ZC3H6: variants seen among roughly 807,000 people sequenced by gnomAD.
ZC3H6 encodes zinc finger CCCH domain-containing protein 6.
A neutral mutation model predicts 107.7 loss-of-function variants in ZC3H6; 40 were observed. That is an observed-to-expected ratio of 0.37 (90% CI 0.29 to 0.48). The LOEUF is 0.48. Ranked by LOEUF, ZC3H6 falls within the 20% of genes least tolerant of loss-of-function variation. The pLI is 0.98. For missense variants in ZC3H6, 1,267 were observed against 1,410.4 expected (o/e 0.90, Z 1.63); for synonymous variants, 493 against 487.9 (o/e 1.01, Z -0.14).
Position 112,336,524 on chromosome 2 carries a change from A to T in ZC3H6, c.*4036A>T, listed in dbSNP as rs768116787. On this transcript the variant is annotated 3_prime_UTR_variant, in exon 12 of 12. Transcript: ENST00000409871. ...TAGTTTAGGAAATCCAAGTTTTGAC[A>T]TATATAACCAAACGGCCTAAGAGTT... 2.0e-5 allele frequency: 3 copies of T among 152,240 alleles called. No homozygotes were observed. Among genetic ancestry groups the T allele is most frequent in the Non-Finnish European group, 4.4e-5 (3 of 68,048 alleles). The allele number at this position is 152,240 out of a possible 1,614,324, so 9.4% of individuals were successfully genotyped here. A position where few individuals can be genotyped will look rare whatever the true frequency, so the allele number is the denominator to read the frequency against.
At chr2:112,319,463 T>C (rs1360073722) in intron 7 of ZC3H6, among the ~76,000 whole-genome samples, 1 of 152,078 alleles carries the variant, frequency 6.6e-6, no homozygotes, top group African/African-American at 2.4e-5. Flanking sequence ...CTGGCCAACA[T>C]AGTGAAACCC....
chr2:112,282,932 T>C (rs1686551901), intron 1 of ZC3H6, among the ~76,000 whole-genome samples: 1 of 152,228 alleles, frequency 6.6e-6, no homozygotes, highest in Non-Finnish European at 1.5e-5. Context: ...GATGCTTATA[T>C]GATAGTGTTT....
Position 112,325,067 on chromosome 2 carries a change from T to TG in ZC3H6, c.1958dup (p.Leu655SerfsTer26). 1 of 1,613,952 alleles carries TG rather than the reference T, an allele frequency of 6.2e-7. No individual in the cohort carries two copies. Among genetic ancestry groups the TG allele is most frequent in the Non-Finnish European group, 8.5e-7 (1 of 1,179,858 alleles). On this transcript the variant is annotated frameshift_variant, in exon 11 of 12. Coordinates refer to ENST00000409871, the MANE Select transcript of ZC3H6 (RefSeq NM_198581.3). LOFTEE classifies it high-confidence loss of function. ...ATGGCAGCAGCACTAGGACAGGCCATGGCCCTCTGCCTGTACCAGGCCTCC... is the reference window on the plus strand; with the variant it reads ...ATGGCAGCAGCACTAGGACAGGCCATGGGCCCTCTGCCTGTACCAGGCCTCC...
intron 11 of ZC3H6, among the ~76,000 whole-genome samples, chr2:112,330,422 T>C (rs1052520597): frequency 6.6e-6 from 1 of 152,194 alleles, no homozygotes; most frequent in Non-Finnish European, 1.5e-5. Flanking sequence ...TCTAAACATA[T>C]AATAAAGAGT....
intron 3 of ZC3H6, 120 bp from the exon 4 acceptor site, chr2:112,309,765 A>T (rs1676559779): frequency 2.1e-6 from 2 of 950,420 alleles, no homozygotes; most frequent in Non-Finnish European, 3.1e-6. Context: ...AAGAGTCAGA[A>T]CTAATAACTG....
rs1171632288 is a variant in ZC3H6, at chr2:112,338,914, AT to A, written c.*6438del. The A allele has an allele frequency of 3.8e-4, 30 of 78,654 alleles. 1 individual carries two copies. The highest frequency in any genetic ancestry group is 8.7e-4 in the African/African-American group (24 of 27,538). The allele number at this position is 78,654 out of a possible 1,614,324, so 4.9% of individuals were successfully genotyped here. ...ATATATATATATATATATATATATA[AT>A]TTTTTTTTTTTGAGACGGAGTCTTG... is the stretch of plus-strand genomic sequence containing the variant. On this transcript the variant is annotated 3_prime_UTR_variant, in exon 12 of 12. Transcript: ENST00000409871.
chr2:112,311,663 A>AT (rs1156651526), intron 4 of ZC3H6, 141 bp from the exon 5 acceptor site: 1 of 686,244 alleles, frequency 1.5e-6, no homozygotes. Flanking sequence ...CAAAGATTTA[A>AT]TTTTTTTCAT....
intron 11 of ZC3H6, among the ~76,000 whole-genome samples, chr2:112,326,126 T>C (rs563205289): frequency 6.6e-6 from 1 of 152,276 alleles, no homozygotes; most frequent in East Asian, 1.9e-4. Context: ...CATGAGGTAT[T>C]TTGATAGAGG....
At chr2:112,317,991 T>C (rs372689278) in intron 7 of ZC3H6, among the ~76,000 whole-genome samples, 1 of 152,190 alleles carries the variant, frequency 6.6e-6, no homozygotes, top group African/African-American at 2.4e-5. Context: ...CTTCTGGACT[T>C]CGTGTTTGGC....
chr2:112,295,638 A>C (rs1010602985), intron 1 of ZC3H6, among the ~76,000 whole-genome samples: 3 of 152,242 alleles, frequency 2.0e-5, no homozygotes, highest in African/African-American at 7.2e-5. Flanking sequence ...AGCAGTTCAT[A>C]GTGTGAATTA....
chr2:112,282,663 A>G (rs1483205862), intron 1 of ZC3H6, among the ~76,000 whole-genome samples: 1 of 152,224 alleles, frequency 6.6e-6, no homozygotes, highest in Non-Finnish European at 1.5e-5. Flanking sequence ...AGAGAACGCC[A>G]GTTTATTCAA....
At chr2:112,293,037 G>A (rs564852077) in intron 1 of ZC3H6, among the ~76,000 whole-genome samples, 7 of 152,270 alleles carry the variant, frequency 4.6e-5, no homozygotes, top group Non-Finnish European at 5.9e-5. Flanking sequence ...GATTCAGGAG[G>A]TAAAAATTAG....
Position 112,295,196 on chromosome 2 carries a change from A to G in ZC3H6, c.33-4653A>G, listed in dbSNP as rs191308326. Among the ~76,000 whole-genome samples the G allele has an allele frequency of 6.6e-3, 1,003 of 152,284 alleles. 36 individuals carry two copies. The highest frequency in any genetic ancestry group is 0.057 in the Admixed American group (868 of 15,292). On this transcript the variant is annotated intron_variant, in intron 1 of 11. Transcript: ENST00000409871. Reference sequence around the variant, plus strand: ...TTTATTAACTGAACAGTTATTTACCAGTCATTGGTACAAGAACATGAATAT... The same window carrying G: ...TTTATTAACTGAACAGTTATTTACCGGTCATTGGTACAAGAACATGAATAT...
At chr2:112,276,519 G>C (rs974217961) in intron 1 of ZC3H6, among the ~76,000 whole-genome samples, 2 of 152,136 alleles carry the variant, frequency 1.3e-5, no homozygotes, top group African/African-American at 4.8e-5. Flanking sequence ...GCCATCTGTT[G>C]TATACAGTCT....
At position 112,331,316 on chromosome 2, in the gene ZC3H6, G is replaced by T; in HGVS notation, c.2398G>T (p.Val800Phe). 1 of 1,613,650 alleles carries T rather than the reference G, an allele frequency of 6.2e-7. No individual in the cohort carries two copies. Among genetic ancestry groups the T allele is most frequent in the South Asian group, 1.1e-5 (1 of 91,090 alleles). The change falls in exon 12 of 12, where the codon GTT (valine) becomes TTT (phenylalanine). Residue 800 changes from valine (V) to phenylalanine (F), a missense_variant. Around this residue, in one of 3 missense-constraint regions of ZC3H6, gnomAD observed 925 missense variants for 1,025.7 expected, o/e 0.90. Coordinates refer to ENST00000409871, the MANE Select transcript of ZC3H6 (RefSeq NM_198581.3). ...GNGSGHIGSS[V>F]GGAKFDLHHA... ...TGGAAGTGGTCACATAGGCTCTTCT[G>T]TTGGTGGAGCAAAGTTTGATTTGCA...
intron 1 of ZC3H6, among the ~76,000 whole-genome samples, chr2:112,295,420 T>C (rs916518348): frequency 1.3e-5 from 2 of 152,188 alleles, no homozygotes; most frequent in African/African-American, 4.8e-5. Context: ...CTCTTAATTA[T>C]TTCTATTACC....
chr2:112,301,388 TAGTC>T (rs564069889), intron 2 of ZC3H6, among the ~76,000 whole-genome samples: 12 of 152,062 alleles, frequency 7.9e-5, no homozygotes, highest in Admixed American at 3.9e-4. Context: ...AGGAAAGAAA[TAGTC>T]AGATAACAAA....
chr2:112,316,314 CAT>C lies in ZC3H6; in HGVS notation c.748-153_748-152del, dbSNP rs1676694164. ...AGTAGCATAAGTAGATTACTAGACA[CAT>C]ATCTCTCTCCAAATAAATGAATAGC... is the stretch of plus-strand genomic sequence containing the variant. On this transcript the variant is annotated intron_variant, in intron 5 of 11. Transcript: ENST00000409871. Among the ~76,000 whole-genome samples, 6 of 152,038 alleles carry C rather than the reference CAT, an allele frequency of 3.9e-5. No homozygotes were observed. In the South Asian group the frequency reaches 1.2e-3, roughly 32 times the overall value.
chr2:112,299,517 A>G (rs928243995), intron 1 of ZC3H6, among the ~76,000 whole-genome samples: 1 of 152,182 alleles, frequency 6.6e-6, no homozygotes, highest in African/African-American at 2.4e-5. Flanking sequence ...GATGGTAACT[A>G]TTGGAGTACT....
Sources: allele counts gnomAD v4.1 joint callset (sites outside exome capture counted in the v4.1 genomes callset), GRCh38; gene constraint gnomAD v4.1.1; regional missense constraint gnomAD v4.1.1; transcripts MANE v1.5; gene names NCBI Gene and HGNC (gene_info 2026-07-23, HGNC 2026-07-21).